The following RASSF2 variants were observed in gnomAD, a reference collection of about 807,000 sequenced individuals.
The protein encoded by RASSF2 is ras association domain-containing protein 2.
In RASSF2, 34 loss-of-function variants were observed where a neutral mutation model predicts 46.3. The ratio of observed to expected loss-of-function variants is 0.73; its 90% confidence interval spans 0.56 to 0.98. The LOEUF is 0.98. Among genes scored for constraint, RASSF2 ranks in the 50% least tolerant of loss-of-function variants. RASSF2 has a pLI of 0.00. For synonymous variants in RASSF2, 158 were observed against 162.5 expected, an observed-to-expected ratio of 0.97 and a Z score of 0.21; for missense variants, 364 against 431.2, an observed-to-expected ratio of 0.84 and a Z score of 1.38.
At chr20:4,805,696 G>A (rs929818261) in intron 2 of RASSF2, among the ~76,000 whole-genome samples, 1 of 152,116 alleles carries the variant, frequency 6.6e-6, no homozygotes, top group Non-Finnish European at 1.5e-5. Flanking sequence ...GAGCATCCCG[G>A]GGACCAGTTG....
At chr20:4,784,412 ACC>A (rs2122389139) in intron 11 of RASSF2, 70 bp from the exon 12 acceptor site, 1 of 1,453,360 alleles carries the variant, frequency 6.9e-7, no homozygotes, top group South Asian at 1.1e-5. Context: ...CTTCCCGGCC[ACC>A]TGGGTAACAC....
chr20:4,818,766 G>A (rs1928502068), intron 2 of RASSF2, among the ~76,000 whole-genome samples: 1 of 152,120 alleles, frequency 6.6e-6, no homozygotes, highest in Admixed American at 6.5e-5. Context: ...CCAAAGCACT[G>A]TAACTCTCTA....
intron 2 of RASSF2, among the ~76,000 whole-genome samples, chr20:4,816,810 T>C (rs1660949198): frequency 6.6e-6 from 1 of 152,210 alleles, no homozygotes; most frequent in African/African-American, 2.4e-5. Context: ...GTAAGCTGCT[T>C]CTTAAAAATA....
rs537963312 is a variant in RASSF2 at position 4,783,565 on chromosome 20, T to G, written c.*708A>C. The G allele has an allele frequency of 2.6e-5, 4 of 152,808 alleles. No homozygotes were observed. The highest frequency in any genetic ancestry group is 7.2e-5 in the African/African-American group (3 of 41,578). 9.5% of individuals were successfully genotyped at this position (152,808 alleles called of 1,614,324 possible). A position where few individuals can be genotyped will look rare whatever the true frequency, so the allele number is the denominator to read the frequency against. On this transcript the variant is annotated 3_prime_UTR_variant, in exon 12 of 12. Coordinates refer to ENST00000379400, the MANE Select transcript of RASSF2 (RefSeq NM_014737.3). ...GTTTCCACATAGAACATCACATATGTCTTTGTCATTTAAAACAATCAACGT... is the reference window on the plus strand; with the variant it reads ...GTTTCCACATAGAACATCACATATGGCTTTGTCATTTAAAACAATCAACGT...
chr20:4,796,637 A>C (rs1444206422), intron 4 of RASSF2, among the ~76,000 whole-genome samples: 1 of 152,238 alleles, frequency 6.6e-6, no homozygotes, highest in South Asian at 2.1e-4. Context: ...ATTTATACTC[A>C]AAGGTTGCTG....
At chr20:4,806,587 G>A (rs1048997163) in intron 2 of RASSF2, among the ~76,000 whole-genome samples, 1 of 152,066 alleles carries the variant, frequency 6.6e-6, no homozygotes, top group Non-Finnish European at 1.5e-5. Flanking sequence ...TTAAAGGCAT[G>A]GGCTGCCACA....
chr20:4,808,737 T>C (rs2122619185), intron 2 of RASSF2, among the ~76,000 whole-genome samples: 1 of 152,320 alleles, frequency 6.6e-6, no homozygotes, highest in Non-Finnish European at 1.5e-5. Context: ...CCTCCTGTTT[T>C]GGCTTCCACA....
At chr20:4,815,423 C>T (rs1219755490) in intron 2 of RASSF2, among the ~76,000 whole-genome samples, 2 of 152,150 alleles carry the variant, frequency 1.3e-5, no homozygotes, top group East Asian at 1.9e-4. Context: ...CCTGAGGCCT[C>T]ATGGACTCCA....
At chr20:4,820,003 T>C (rs73593119) in intron 2 of RASSF2, among the ~76,000 whole-genome samples, 6,966 of 152,104 alleles carry the variant, frequency 0.046, 482 homozygotes, top group African/African-American at 0.15. Flanking sequence ...GACTTTAGAG[T>C]CTGCCATCCC....
chr20:4,798,627 C>A (rs1158233185), intron 3 of RASSF2, among the ~76,000 whole-genome samples: 1 of 151,914 alleles, frequency 6.6e-6, no homozygotes, highest in Non-Finnish European at 1.5e-5. Context: ...GAGTTTGAGA[C>A]CAGCCTGGCC....
intron 2 of RASSF2, among the ~76,000 whole-genome samples, chr20:4,816,089 T>G (rs918833077): frequency 6.6e-6 from 1 of 152,124 alleles, no homozygotes; most frequent in Non-Finnish European, 1.5e-5. Context: ...ATGGCTTGCA[T>G]GCAGGAGTTC....
intron 2 of RASSF2, among the ~76,000 whole-genome samples, chr20:4,809,805 T>G (rs1014814910): frequency 6.6e-6 from 1 of 152,104 alleles, no homozygotes; most frequent in Non-Finnish European, 1.5e-5. Context: ...TGCGTTCAGC[T>G]GGAGCCCAGC....
At position 4,812,992 on chromosome 20, in the gene RASSF2, A is replaced by AG. The variant is rs558418847; in HGVS notation, c.-33+9336dup. 8.0e-4 allele frequency among the ~76,000 whole-genome samples: 122 copies of AG among 152,300 alleles called. No individual in the cohort carries two copies. The highest frequency in any genetic ancestry group is 2.9e-3 in the African/African-American group (120 of 41,564). ...AAGCTGTGGGAAAAGCAGACCCTGC[A>AG]GGGGCCAGGGAGAGAGGCCCAGAGC... On this transcript the variant is annotated intron_variant, in intron 2 of 11. Transcript: ENST00000379400. The surrounding 1 kb of genome is among the most constrained non-coding windows in gnomAD (Gnocchi z 4.0).
At chr20:4,800,944 G>A in intron 3 of RASSF2, 28 bp downstream of exon 3, 3 of 1,584,276 alleles carry the variant, frequency 1.9e-6, no homozygotes, top group Non-Finnish European at 2.6e-6. Flanking sequence ...GGTCACTGAG[G>A]ACAAAACACT....
Position 4,781,441 on chromosome 20 carries a change from C to T in RASSF2, c.*2832G>A, listed in dbSNP as rs1924813103. 6.6e-6 allele frequency: 1 copy of T among 152,154 alleles called. No homozygotes were observed. Among genetic ancestry groups the T allele is most frequent in the Non-Finnish European group, 1.5e-5 (1 of 68,032 alleles). 9.4% of individuals were successfully genotyped at this position (152,154 alleles called of 1,614,324 possible). A position where few individuals can be genotyped will look rare whatever the true frequency, so the allele number is the denominator to read the frequency against. ...GACTAATATCCAGAAATCCTCTTGC[C>T]TCAACTCAACTCCAAGTTGAAGTCC... is the stretch of plus-strand genomic sequence containing the variant. On this transcript the variant is annotated 3_prime_UTR_variant, in exon 12 of 12. Coordinates refer to ENST00000379400, the MANE Select transcript of RASSF2 (RefSeq NM_014737.3).
intron 6 of RASSF2, among the ~76,000 whole-genome samples, chr20:4,791,500 A>G (rs1925873925): frequency 6.6e-6 from 1 of 152,266 alleles, no homozygotes; most frequent in South Asian, 2.1e-4. Context: ...TGGGGTTCCC[A>G]TGGCATATGT....
Position 4,821,607 on chromosome 20 carries a change from C to T in RASSF2, c.-33+722G>A, listed in dbSNP as rs542720955. 1.2e-3 allele frequency among the ~76,000 whole-genome samples: 181 copies of T among 152,292 alleles called. 1 individual carries two copies. Among genetic ancestry groups the T allele is most frequent in the Non-Finnish European group, 2.0e-3 (134 of 68,018 alleles). On this transcript the variant is annotated intron_variant, in intron 2 of 11. Coordinates refer to ENST00000379400, the MANE Select transcript of RASSF2 (RefSeq NM_014737.3). The stretch of plus-strand genomic sequence containing the variant: ...TACCATATGTCTCCCTGATATTCCA[C>T]CTCTGCTCCTCCATCTGCTGAAGGA...
chr20:4,786,304 T>A lies in RASSF2; in HGVS notation c.838A>T (p.Met280Leu). Residue 280 changes from methionine to leucine, a missense_variant, in exon 11 of 12, where the codon ATG (methionine) becomes TTG (leucine). Coordinates refer to ENST00000379400, the MANE Select transcript of RASSF2 (RefSeq NM_014737.3). ...YDVAQYIKFE[M>L]PVLKSFIQKL... The stretch of plus-strand genomic sequence containing the variant: ...TGAATGAAGCTTTTAAGTACCGGCA[T>A]CTCGAACTTTATATACTGGGCCACC... The A allele has an allele frequency of 6.2e-7, 1 of 1,612,332 alleles. No individual in the cohort carries two copies. The highest frequency in any genetic ancestry group is 8.5e-7 in the Non-Finnish European group (1 of 1,178,370).
intron 11 of RASSF2, among the ~76,000 whole-genome samples, chr20:4,784,912 G>A (rs112723197): frequency 5.3e-5 from 8 of 152,204 alleles, no homozygotes; most frequent in African/African-American, 7.2e-5. Flanking sequence ...TCCCTGAGCC[G>A]TGGCACTGCA....
Sources: gnomAD v4.1 joint callset for allele counts (sites outside exome capture counted in the v4.1 genomes callset) on GRCh38, gnomAD v4.1.1 for gene constraint, Gnocchi (gnomAD v3.1) non-coding constraint, MANE v1.5 for transcripts, NCBI Gene and HGNC (gene_info 2026-07-23, HGNC 2026-07-21) for gene names.